Variants in BBS9 observed in about 807,000 individuals in gnomAD.
BBS9 encodes the protein protein PTHB1.
In BBS9, 89 loss-of-function variants were observed where a neutral mutation model predicts 117.7. The observed-to-expected ratio is 0.76, with a 90% CI of 0.64 to 0.90. BBS9 has a LOEUF of 0.90. BBS9 is among the 40% of genes least tolerant of loss of function. The pLI, the probability that BBS9 is intolerant of heterozygous loss-of-function variation, is 0.00. For synonymous variants in BBS9, 379 were observed against 370.9 expected, an observed-to-expected ratio of 1.02 and a Z score of -0.25; for missense variants, 982 against 1,042.2, an observed-to-expected ratio of 0.94 and a Z score of 0.80.
At chr7:33,462,935 T>G (rs1053826722) in intron 19 of BBS9, among the ~76,000 whole-genome samples, 5 of 152,094 alleles carry the variant, frequency 3.3e-5, no homozygotes, top group Non-Finnish European at 7.4e-5. Context: ...AGTGAGTAGA[T>G]TAACTACAAT....
chr7:33,531,019 C>T (rs1027445762), intron 20 of BBS9, among the ~76,000 whole-genome samples: 1 of 152,088 alleles, frequency 6.6e-6, no homozygotes, highest in Non-Finnish European at 1.5e-5. Flanking sequence ...CCAAAGCAAG[C>T]AGATCATCTG....
intron 21 of BBS9, among the ~76,000 whole-genome samples, chr7:33,558,458 G>T (rs1439406415): frequency 3.9e-5 from 6 of 152,154 alleles, no homozygotes; most frequent in Non-Finnish European, 8.8e-5. Context: ...AGGGAACAGG[G>T]CAGGCAAAGG....
intron 21 of BBS9, among the ~76,000 whole-genome samples, chr7:33,614,785 A>C (rs2129217296): frequency 6.6e-6 from 1 of 152,218 alleles, no homozygotes; most frequent in East Asian, 1.9e-4. Context: ...CATGTTCTGA[A>C]GTGAATATTT....
At chr7:33,582,295 G>A (rs571669685) in intron 21 of BBS9, among the ~76,000 whole-genome samples, 1 of 152,174 alleles carries the variant, frequency 6.6e-6, no homozygotes, top group African/African-American at 2.4e-5. Flanking sequence ...GCACAGAGGT[G>A]GGGCACAGTG....
intron 19 of BBS9, among the ~76,000 whole-genome samples, chr7:33,413,494 G>A (rs1383092903): frequency 4.6e-5 from 7 of 152,096 alleles, no homozygotes; most frequent in East Asian, 1.9e-4. Flanking sequence ...ATGTGCAGGC[G>A]ATTCTTTAAG....
intron 20 of BBS9, among the ~76,000 whole-genome samples, chr7:33,525,094 T>C (rs975951547): frequency 6.6e-6 from 1 of 152,164 alleles, no homozygotes; most frequent in African/African-American, 2.4e-5. Context: ...TCTAGTTTGA[T>C]TGCACTGTGG....
intron 19 of BBS9, among the ~76,000 whole-genome samples, chr7:33,437,602 A>C (rs529811410): frequency 3.2e-4 from 48 of 152,300 alleles, no homozygotes; most frequent in East Asian, 1.7e-3. Flanking sequence ...GTTTTTGGGC[A>C]GTGCCTCATG....
At position 33,317,119 on chromosome 7, in the gene BBS9, C is replaced by G. The variant is rs186538114; in HGVS notation, c.1017-19322C>G. 9.9e-5 allele frequency among the ~76,000 whole-genome samples: 15 copies of G among 152,136 alleles called. No individual in the cohort carries two copies. In the East Asian group the frequency reaches 2.5e-3, roughly 26 times the overall value. On this transcript the variant is annotated intron_variant, in intron 9 of 22. Transcript: ENST00000242067. ...TATTTATTGAAAAGACTTTCCTTTCCTCTTTGAATTACTTTGGCATCTTTG... is the reference window on the plus strand; with the variant it reads ...TATTTATTGAAAAGACTTTCCTTTCGTCTTTGAATTACTTTGGCATCTTTG...
intron 5 of BBS9, among the ~76,000 whole-genome samples, chr7:33,232,198 T>G (rs750032465): frequency 6.6e-6 from 1 of 152,192 alleles, no homozygotes; most frequent in South Asian, 2.1e-4. Flanking sequence ...GTGACTATTA[T>G]AGCAATACCA....
intron 19 of BBS9, among the ~76,000 whole-genome samples, chr7:33,480,299 G>A (rs1842355348): frequency 6.6e-6 from 1 of 152,114 alleles, no homozygotes. Flanking sequence ...TATTTATTTT[G>A]TGCAAGGCTC....
At chr7:33,162,129 T>A (rs1384240938) in intron 4 of BBS9, among the ~76,000 whole-genome samples, 1 of 152,138 alleles carries the variant, frequency 6.6e-6, no homozygotes, top group Non-Finnish European at 1.5e-5. Context: ...TGCCCATGCC[T>A]GTGTCCTGAA....
intron 21 of BBS9, among the ~76,000 whole-genome samples, chr7:33,583,972 CATT>C (rs756388355): frequency 1.3e-5 from 2 of 151,810 alleles, no homozygotes; most frequent in East Asian, 1.9e-4. Flanking sequence ...TAGCCATTGT[CATT>C]ATTATTATTA....
chr7:33,579,753 A>G (rs958152017), intron 21 of BBS9, among the ~76,000 whole-genome samples: 4 of 152,152 alleles, frequency 2.6e-5, no homozygotes, highest in South Asian at 2.1e-4. Context: ...GAATTACCCA[A>G]TTCCCTCCAC....
At chr7:33,215,142 A>C (rs1788811785) in intron 5 of BBS9, among the ~76,000 whole-genome samples, 1 of 152,228 alleles carries the variant, frequency 6.6e-6, no homozygotes, top group African/African-American at 2.4e-5. Context: ...CAGTGAGCTG[A>C]GTGCAGTGCC....
At chr7:33,574,429 G>T (rs2129144297) in intron 21 of BBS9, among the ~76,000 whole-genome samples, 1 of 152,136 alleles carries the variant, frequency 6.6e-6, no homozygotes, top group Middle Eastern at 3.4e-3. Context: ...AGGTAGAGAT[G>T]ATTTCAGATG....
intron 16 of BBS9, among the ~76,000 whole-genome samples, chr7:33,365,164 T>A (rs1821442585): frequency 6.6e-6 from 1 of 152,134 alleles, no homozygotes; most frequent in South Asian, 2.1e-4. Context: ...AACCTGTAGA[T>A]GTCCATTTCT....
chr7:33,626,193 G>T (rs1865628706), intron 21 of BBS9, among the ~76,000 whole-genome samples: 2 of 152,140 alleles, frequency 1.3e-5, no homozygotes, highest in Admixed American at 6.5e-5. Flanking sequence ...TCTTCCTCCT[G>T]CTCTGGCCAT....
chr7:33,524,465 G>T (rs1205817615), intron 20 of BBS9, among the ~76,000 whole-genome samples: 1 of 152,064 alleles, frequency 6.6e-6, no homozygotes, highest in Non-Finnish European at 1.5e-5. Flanking sequence ...ACTTCTTCCT[G>T]GTTTAGTCTT....
chr7:33,321,764 A>AT (rs1483451913), intron 9 of BBS9, among the ~76,000 whole-genome samples: 3 of 152,066 alleles, frequency 2.0e-5, no homozygotes, highest in African/African-American at 7.2e-5. Context: ...GGTGAATAAC[A>AT]GTGGTGAAAG....
Sources: gnomAD v4.1 joint callset for allele counts (sites outside exome capture counted in the v4.1 genomes callset) on GRCh38, gnomAD v4.1.1 for gene constraint, MANE v1.5 for transcripts, NCBI Gene and HGNC (gene_info 2026-07-23, HGNC 2026-07-21) for gene names.